The following CHIA variants were observed in gnomAD, a reference collection of about 807,000 sequenced individuals.
CHIA encodes the protein chitinase acidic.
A neutral mutation model predicts 53.5 loss-of-function variants in CHIA; 47 were observed. The ratio of observed to expected loss-of-function variants is 0.88; its 90% CI spans 0.70 to 1.12. CHIA has a LOEUF of 1.12. Ranked by LOEUF, CHIA falls within the 50% of genes most tolerant of loss-of-function variation. The pLI, the probability that CHIA is intolerant of heterozygous loss-of-function variation, is 0.00. For synonymous variants in CHIA, 268 were observed against 222.2 expected (o/e 1.21, Z -1.83); for missense variants, 652 against 592.2 (o/e 1.10, Z -1.05).
intron 6 of CHIA, chr1:111,316,925 A>G (rs1199647787): frequency 6.6e-6 from 1 of 152,224 alleles, no homozygotes; most frequent in Admixed American, 6.5e-5. Flanking sequence ...CATAATTTAT[A>G]ACTTCTGGTC....
intron 1 of CHIA, among the ~76,000 whole-genome samples, chr1:111,304,845 T>C (rs185536454): frequency 1.6e-3 from 244 of 152,356 alleles, no homozygotes; most frequent in African/African-American, 5.7e-3. Context: ...AATCTAATAA[T>C]GTGGTATCTC....
intron 1 of CHIA, among the ~76,000 whole-genome samples, chr1:111,304,195 T>G (rs1647992685): frequency 6.6e-6 from 1 of 152,164 alleles, no homozygotes; most frequent in African/African-American, 2.4e-5. Flanking sequence ...AAAATTTGAT[T>G]ATATTGTGTC....
chr1:111,297,552 C>A (rs2101605735), intron 1 of CHIA, among the ~76,000 whole-genome samples: 2 of 152,254 alleles, frequency 1.3e-5, no homozygotes, highest in South Asian at 4.1e-4. Flanking sequence ...ACCAGGCCTG[C>A]CTTACAAGAG....
chr1:111,319,453 G>T lies in CHIA; in HGVS notation c.1162G>T (p.Gly388Cys). ...PLISTLKKAL[G>C]LQSASCTAPA... ...AATCTCCACCCTGAAGAAGGCCCTCGGCCTGCAGAGTGCAAGTAAGTGACT... is the reference window on the plus strand; with the variant it reads ...AATCTCCACCCTGAAGAAGGCCCTCTGCCTGCAGAGTGCAAGTAAGTGACT... The change falls in exon 11 of 12, where the codon GGC (glycine) becomes TGC (cysteine). Residue 388 changes from glycine to cysteine, a missense_variant. Coordinates refer to ENST00000369740, the MANE Select transcript of CHIA (RefSeq NM_201653.4). 1 of 1,613,884 alleles carries T rather than the reference G, an allele frequency of 6.2e-7. No individual in the cohort carries two copies. Among genetic ancestry groups the T allele is most frequent in the Non-Finnish European group, 8.5e-7 (1 of 1,179,958 alleles).
chr1:111,292,159 A>G (rs917806976), intron 1 of CHIA, among the ~76,000 whole-genome samples: 7 of 152,174 alleles, frequency 4.6e-5, no homozygotes, highest in African/African-American at 1.4e-4. Context: ...GAAAAATAAC[A>G]TTAACTAAAA....
At chr1:111,304,661 C>T (rs1253144099) in intron 1 of CHIA, among the ~76,000 whole-genome samples, 1 of 152,140 alleles carries the variant, frequency 6.6e-6, no homozygotes, top group Admixed American at 6.5e-5. Flanking sequence ...TCATTCTCTA[C>T]ATCCTTTTTT....
intron 1 of CHIA, 131 bp from the exon 2 acceptor site, chr1:111,310,269 C>T: frequency 9.3e-7 from 1 of 1,077,332 alleles, no homozygotes; most frequent in Non-Finnish European, 1.3e-6. Flanking sequence ...CCTTGTTGGG[C>T]AGAGAAGGTG....
chr1:111,293,296 C>G (rs991461230), intron 1 of CHIA, among the ~76,000 whole-genome samples: 5 of 152,108 alleles, frequency 3.3e-5, no homozygotes, highest in African/African-American at 9.7e-5. Context: ...GAGGTGATGT[C>G]TCATTGTAGA....
chr1:111,315,270 T>G lies in CHIA; in HGVS notation c.315T>G (p.Pro105=), dbSNP rs1234309734. 1 of 1,611,472 alleles carries G rather than the reference T, an allele frequency of 6.2e-7. No individual in the cohort carries two copies. ...CCTGCCTTCTTTGGGTCTCCCTCAG[T>G]TTCACTGCCATGGTTTCTACTCCTG... The part of the protein sequence containing the change: ...AIGGWNFGTA[P]FTAMVSTPEN... The change falls in exon 6 of 12, where the codon CCT becomes CCG. Residue 105 remains proline, a splice_region_variant and synonymous_variant. Transcript: ENST00000369740.
At chr1:111,298,779 A>G (rs529334467) in intron 1 of CHIA, among the ~76,000 whole-genome samples, 2 of 152,326 alleles carry the variant, frequency 1.3e-5, no homozygotes, top group South Asian at 4.1e-4. Flanking sequence ...AAACCCCTCA[A>G]AAAATCAGTG....
Position 111,315,995 on chromosome 1 carries a change from T to A in CHIA, c.480+560T>A, listed in dbSNP as rs1031998953. ...TATGAACAATGGCAATGCATTGTGA[T>A]AAATGCCATGTTAGAGGTCTGCAGA... On this transcript the variant is annotated intron_variant, in intron 6 of 11. Coordinates refer to ENST00000369740, the MANE Select transcript of CHIA (RefSeq NM_201653.4). 7 of 368,492 alleles carry A rather than the reference T, an allele frequency of 1.9e-5. 1 individual carries two copies. The highest frequency in any genetic ancestry group is 1.5e-4 in the South Asian group (7 of 46,776). The allele number at this position is 368,492 out of a possible 1,614,324, so 22.8% of individuals were successfully genotyped here. A position where few individuals can be genotyped will look rare whatever the true frequency, so the allele number is the denominator to read the frequency against.
chr1:111,319,175 T>C lies in CHIA; in HGVS notation c.971T>C (p.Val324Ala), dbSNP rs868796007. The change falls in exon 10 of 12, where the codon GTG becomes GCG. Residue 324 changes from valine (V) to alanine (A), a missense_variant. Transcript: ENST00000369740. ...ATQGWDAPQE[V>A]PYAYQGNVWV... ...CAGGGATGGGATGCCCCTCAGGAAG[T>C]GCCTTATGCCTATCAGGGCAATGTG... 9 of 1,614,058 alleles carry C rather than the reference T, an allele frequency of 5.6e-6. No individual in the cohort carries two copies. Among genetic ancestry groups the C allele is most frequent in the Admixed American group, 3.3e-5 (2 of 60,002 alleles).
Position 111,312,401 on chromosome 1 carries a change from G to C in CHIA, c.257+10G>C. On this transcript the variant is annotated intron_variant, in intron 4 of 11. Coordinates refer to ENST00000369740, the MANE Select transcript of CHIA (RefSeq NM_201653.4). Reference sequence around the variant, plus strand: ...ATGGCCTGAAAAATAAGTAGGATGAGGGAGATATTTAATTTGGCATCCCCT... The same window carrying C: ...ATGGCCTGAAAAATAAGTAGGATGACGGAGATATTTAATTTGGCATCCCCT... The C allele has an allele frequency of 6.2e-7, 1 of 1,605,608 alleles. No individual in the cohort carries two copies. Among genetic ancestry groups the C allele is most frequent in the South Asian group, 1.1e-5 (1 of 90,910 alleles).
chr1:111,307,211 A>G (rs1648254066), intron 1 of CHIA, among the ~76,000 whole-genome samples: 1 of 152,256 alleles, frequency 6.6e-6, no homozygotes, highest in Non-Finnish European at 1.5e-5. Context: ...ATGTTGTTAC[A>G]CATAAAAAGG....
intron 2 of CHIA, 60 bp downstream of exon 2, chr1:111,310,552 C>T (rs56387509): frequency 0.13 from 216,211 of 1,612,106 alleles, 15,901 homozygotes; most frequent in Non-Finnish European, 0.15. Flanking sequence ...CTCTCACAGG[C>T]TCTGAAAATC....
intron 1 of CHIA, among the ~76,000 whole-genome samples, chr1:111,296,232 C>G (rs113853271): frequency 6.6e-6 from 1 of 152,206 alleles, no homozygotes; most frequent in African/African-American, 2.4e-5. Context: ...AGTGTTTGAG[C>G]ACTGAGAATG....
At chr1:111,302,528 G>C (rs1426063876) in intron 1 of CHIA, among the ~76,000 whole-genome samples, 1 of 152,018 alleles carries the variant, frequency 6.6e-6, no homozygotes, top group African/African-American at 2.4e-5. Flanking sequence ...AGAGTGTGTT[G>C]TTTAGTTTCC....
chr1:111,298,765 C>CA (rs1485116725), intron 1 of CHIA, among the ~76,000 whole-genome samples: 3 of 152,022 alleles, frequency 2.0e-5, no homozygotes, highest in African/African-American at 7.2e-5. Context: ...GACAGAGACA[C>CA]AAAAAACCCC....
chr1:111,296,367 CAATATTTGCTGTTCTAT>C (rs1245979286), intron 1 of CHIA, among the ~76,000 whole-genome samples: 3 of 152,166 alleles, frequency 2.0e-5, no homozygotes, highest in Admixed American at 6.5e-5. Context: ...GATCAGGCAG[CAATATTTGCTGTTCTAT>C]AATATTTGCT....
Sources: gnomAD v4.1 joint callset for allele counts (sites outside exome capture counted in the v4.1 genomes callset) on GRCh38, gnomAD v4.1.1 for gene constraint, MANE v1.5 for transcripts, NCBI Gene and HGNC (gene_info 2026-07-23, HGNC 2026-07-21) for gene names.